UMAD1: variants seen among roughly 807,000 people sequenced by gnomAD.
The protein encoded by UMAD1 is UBAP1-MVB12-associated (UMA)-domain containing protein 1.
UMAD1 carries 8 observed loss-of-function variants against 6.1 expected under a neutral mutation model. The ratio of observed to expected loss-of-function variants is 1.30; its 90% CI spans 0.76 to 2.35. UMAD1 has a LOEUF of 2.35. UMAD1 is among the 30% of genes most tolerant of loss of function. The probability of loss-of-function intolerance (pLI) is 0.00; values close to 1 mark genes in which losing one functional copy is unlikely to be tolerated. For synonymous variants in UMAD1, 56 were observed against 31.4 expected (o/e 1.78, Z -2.61); for missense variants, 130 against 78.4 (o/e 1.66, Z -2.49).
chr7:7,799,029 A>G (rs992534377), intron 2 of UMAD1, among the ~76,000 whole-genome samples: 2 of 152,210 alleles, frequency 1.3e-5, no homozygotes, highest in Non-Finnish European at 2.9e-5. Context: ...GAGTTAACTG[A>G]TATTTGAAAA....
rs181452597 is a variant in UMAD1, at chr7:7,816,470, G to A, written c.156+14727G>A. Among the ~76,000 whole-genome samples, 16 of 152,316 alleles carry A rather than the reference G, an allele frequency of 1.1e-4. 1 individual carries two copies. The East Asian group carries it at 2.3e-3, about 22-fold the overall frequency. On this transcript the variant is annotated intron_variant, in intron 3 of 3. Transcript: ENST00000682710. ...AGGCTGTAGAGATGAGGCCGGGAGA[G>A]GAAGAAGTGGTGCTTCTCTCTTATC...
chr7:7,821,179 C>T (rs576743040), intron 3 of UMAD1, among the ~76,000 whole-genome samples: 1 of 152,110 alleles, frequency 6.6e-6, no homozygotes, highest in Non-Finnish European at 1.5e-5. Context: ...GCTTTCCCCC[C>T]ACCCCCAAGT....
At chr7:7,735,565 A>G (rs113397999) in intron 2 of UMAD1, among the ~76,000 whole-genome samples, 12,209 of 152,126 alleles carry the variant, frequency 0.08, 581 homozygotes, top group African/African-American at 0.12. Context: ...GCCCACCACC[A>G]TACCCAGCTA....
chr7:7,783,604 A>G (rs1782395386), intron 2 of UMAD1, among the ~76,000 whole-genome samples: 1 of 152,220 alleles, frequency 6.6e-6, no homozygotes, highest in Non-Finnish European at 1.5e-5. Flanking sequence ...CTTAACTACC[A>G]AGATTTGTAG....
At chr7:7,833,758 A>G (rs1348592309) in intron 3 of UMAD1, among the ~76,000 whole-genome samples, 2 of 152,180 alleles carry the variant, frequency 1.3e-5, no homozygotes, top group African/African-American at 4.8e-5. Flanking sequence ...ACAAAACCAT[A>G]GTTCTATGTA....
At chr7:7,840,047 G>A (rs566396156) in intron 3 of UMAD1, among the ~76,000 whole-genome samples, 1 of 152,268 alleles carries the variant, frequency 6.6e-6, no homozygotes, top group East Asian at 1.9e-4. Flanking sequence ...ATTCAAGCTG[G>A]ATGAAGAAAG....
chr7:7,828,535 C>G (rs1311889553), intron 3 of UMAD1, among the ~76,000 whole-genome samples: 1 of 152,212 alleles, frequency 6.6e-6, no homozygotes, highest in East Asian at 1.9e-4. Context: ...CTTCTTGCGG[C>G]TATATCAACC....
intron 3 of UMAD1, among the ~76,000 whole-genome samples, chr7:7,805,637 GA>G (rs1370660422): frequency 3.3e-5 from 5 of 152,032 alleles, no homozygotes; most frequent in African/African-American, 1.2e-4. Context: ...GGGCTACAAG[GA>G]ACTCCATACT....
At chr7:7,670,838 A>G (rs1026815809) in intron 1 of UMAD1, among the ~76,000 whole-genome samples, 7 of 152,204 alleles carry the variant, frequency 4.6e-5, no homozygotes, top group African/African-American at 1.7e-4. Context: ...AGTTGTAGCA[A>G]TTCTGCAATT....
At chr7:7,655,503 T>C (rs1785318910) in intron 1 of UMAD1, among the ~76,000 whole-genome samples, 1 of 152,224 alleles carries the variant, frequency 6.6e-6, no homozygotes, top group African/African-American at 2.4e-5. Context: ...CCTCCCTGGC[T>C]TGATGCTCTA....
intron 1 of UMAD1, among the ~76,000 whole-genome samples, chr7:7,652,169 A>C (rs981286377): frequency 5.9e-5 from 9 of 152,196 alleles, no homozygotes; most frequent in African/African-American, 1.9e-4. Context: ...AGTATTTTCC[A>C]CATCTTCTTT....
At chr7:7,723,594 G>C (rs547470646) in intron 2 of UMAD1, among the ~76,000 whole-genome samples, 1 of 152,134 alleles carries the variant, frequency 6.6e-6, no homozygotes, top group Non-Finnish European at 1.5e-5. Context: ...CCAGTGCTTT[G>C]CAAAATAGAT....
At chr7:7,732,646 G>A (rs985806879) in intron 2 of UMAD1, among the ~76,000 whole-genome samples, 2 of 152,096 alleles carry the variant, frequency 1.3e-5, no homozygotes, top group African/African-American at 2.4e-5. Flanking sequence ...AGCTGCTGCC[G>A]AGTGATTTCA....
At chr7:7,850,719 A>G (rs1783896237) in intron 3 of UMAD1, among the ~76,000 whole-genome samples, 1 of 151,440 alleles carries the variant, frequency 6.6e-6, no homozygotes, top group South Asian at 2.1e-4. Flanking sequence ...TCTTAATGTG[A>G]TGGAAGAGCT....
intron 1 of UMAD1, among the ~76,000 whole-genome samples, chr7:7,662,708 C>T (rs578141158): frequency 3.9e-5 from 6 of 152,244 alleles, no homozygotes; most frequent in East Asian, 3.9e-4. Flanking sequence ...AGAAATCTCC[C>T]GCCTTCTGTG....
intron 2 of UMAD1, among the ~76,000 whole-genome samples, chr7:7,679,735 C>T (rs1024722341): frequency 5.6e-5 from 8 of 142,974 alleles, no homozygotes; most frequent in African/African-American, 2.1e-4. Context: ...TATATATACA[C>T]ACACACATAT....
intron 1 of UMAD1, among the ~76,000 whole-genome samples, chr7:7,650,491 C>A (rs1202203699): frequency 6.6e-6 from 1 of 152,130 alleles, no homozygotes; most frequent in Non-Finnish European, 1.5e-5. Flanking sequence ...TTGCTGTAGG[C>A]TTACATGTCT....
chr7:7,815,101 T>A (rs544302565), intron 3 of UMAD1, among the ~76,000 whole-genome samples: 1 of 152,276 alleles, frequency 6.6e-6, no homozygotes, highest in South Asian at 2.1e-4. Context: ...AGTGCCTTTC[T>A]AACTTAGAGA....
chr7:7,667,908 TA>T (rs965338255), intron 1 of UMAD1, among the ~76,000 whole-genome samples: 107 of 152,290 alleles, frequency 7.0e-4, no homozygotes, highest in African/African-American at 2.6e-3. Flanking sequence ...GACCAATACT[TA>T]ACCTAGTTTT....
Sources: gnomAD v4.1 joint callset for allele counts (sites outside exome capture counted in the v4.1 genomes callset) on GRCh38, gnomAD v4.1.1 for gene constraint, MANE v1.5 for transcripts, NCBI Gene and HGNC (gene_info 2026-07-23, HGNC 2026-07-21) for gene names.